Variants in USP6NL observed in about 807,000 individuals in gnomAD.
The protein encoded by USP6NL is USP6 N-terminal like, also known as USP6 N-terminal-like protein.
Under a neutral mutation model 61.9 loss-of-function variants are expected in USP6NL, and 26 were observed. The observed-to-expected ratio is 0.42, with a 90% CI of 0.31 to 0.58. USP6NL has a LOEUF of 0.58. Ranked by LOEUF, USP6NL falls within the 20% of genes least tolerant of loss-of-function variation. The pLI is 0.16. For missense variants in USP6NL, 1,114 were observed against 1,034.3 expected, an observed-to-expected ratio of 1.08 and a Z score of -1.06; for synonymous variants, 432 against 390.1, an observed-to-expected ratio of 1.11 and a Z score of -1.27.
chr10:11,501,352 G>A, intron 6 of USP6NL, 144 bp from the exon 7 acceptor site: 2 of 627,408 alleles, frequency 3.2e-6, no homozygotes, highest in Non-Finnish European at 5.4e-6. Flanking sequence ...ATGGCACATG[G>A]AGGTACTGTC....
intron 1 of USP6NL, among the ~76,000 whole-genome samples, chr10:11,609,389 C>A (rs1001628575): frequency 2.0e-5 from 3 of 152,104 alleles, no homozygotes; most frequent in African/African-American, 7.2e-5. Context: ...TCAAAAATCA[C>A]ATTGAAGGAA....
In USP6NL at chr10:11,493,141, A is replaced by G; in HGVS notation, c.472T>C (p.Phe158Leu). 6.2e-7 allele frequency: 1 copy of G among 1,610,972 alleles called. No homozygotes were observed. The highest frequency in any genetic ancestry group is 8.5e-7 in the Non-Finnish European group (1 of 1,178,444). Reference sequence around the variant, plus strand: ...CACTTAACACCATATCTGTCTCTAAACATAATGTGGTCCCGAAATGTGCGG... The same window carrying G: ...CACTTAACACCATATCTGTCTCTAAGCATAATGTGGTCCCGAAATGTGCGG... ...VNRTFRDHIM[F>L]RDRYGVKQQS... The change falls in exon 8 of 15, where the codon TTT becomes CTT. Residue 158 changes from phenylalanine (F) to leucine (L), a missense_variant. Phe to Leu is a conservative substitution (Grantham distance 22). Coordinates refer to ENST00000609104, the MANE Select transcript of USP6NL (RefSeq NM_014688.5).
rs1836923928 is a variant in USP6NL at position 11,561,391 on chromosome 10, A to G, written c.5-33824T>C. 6.6e-6 allele frequency among the ~76,000 whole-genome samples: 1 copy of G among 152,238 alleles called. No individual in the cohort carries two copies. On this transcript the variant is annotated intron_variant, in intron 2 of 14. Coordinates refer to ENST00000609104, the MANE Select transcript of USP6NL (RefSeq NM_014688.5). This position sits in a 1 kb window ranked among gnomAD's most constrained non-coding sequence, Gnocchi z 4.1. Reference sequence around the variant, plus strand: ...TGCACATTCTAAAACAGATTTAAACATACCATACACAGGATACACATGTGC... The same window carrying G: ...TGCACATTCTAAAACAGATTTAAACGTACCATACACAGGATACACATGTGC...
At chr10:11,527,398 CA>C (rs1835462323) in intron 3 of USP6NL, 101 bp downstream of exon 3, 1 of 1,041,686 alleles carries the variant, frequency 9.6e-7, no homozygotes, top group Non-Finnish European at 1.4e-6. Context: ...TGAAGTTAAA[CA>C]AACTGCTTCT....
Position 11,490,642 on chromosome 10 carries a change from C to CT in USP6NL, c.543+189dup, listed in dbSNP as rs1833673722. On this transcript the variant is annotated intron_variant, in intron 9 of 14. Transcript: ENST00000609104. The surrounding 1 kb of genome is among the most constrained non-coding windows in gnomAD (Gnocchi z 4.5). ...CTGTGGTCATATTTAGGTTCTTCCA[C>CT]TTCAGAATCAGCTCTGTTCTAAGGC... is the stretch of plus-strand genomic sequence containing the variant. Among the ~76,000 whole-genome samples, 1 of 152,220 alleles carries CT rather than the reference C, an allele frequency of 6.6e-6. No homozygotes were observed. Among genetic ancestry groups the CT allele is most frequent in the African/African-American group, 2.4e-5 (1 of 41,450 alleles).
intron 2 of USP6NL, among the ~76,000 whole-genome samples, chr10:11,568,816 A>C (rs1837260689): frequency 6.6e-6 from 1 of 152,232 alleles, no homozygotes; most frequent in African/African-American, 2.4e-5. Context: ...GGTAGAAAGA[A>C]AGATGTAACA....
intron 14 of USP6NL, among the ~76,000 whole-genome samples, chr10:11,475,031 TCATAAA>T (rs1254495379): frequency 1.3e-5 from 2 of 152,152 alleles, no homozygotes; most frequent in Non-Finnish European, 2.9e-5. Context: ...TCTATCTAGG[TCATAAA>T]CTATAAATCT....
At chr10:11,577,861 T>C (rs1404211284) in intron 2 of USP6NL, among the ~76,000 whole-genome samples, 5 of 152,210 alleles carry the variant, frequency 3.3e-5, no homozygotes, top group Non-Finnish European at 5.9e-5. Flanking sequence ...TGTAGCTACA[T>C]TGTTAACATC....
In USP6NL at chr10:11,463,031, T is replaced by C; in HGVS notation, c.1897A>G (p.Ser633Gly). Residue 633 changes from serine (S) to glycine (G), a missense_variant, in exon 15 of 15, where the codon AGC (serine) becomes GGC (glycine). Ser to Gly is a moderately conservative substitution (Grantham distance 56, BLOSUM62 0). Transcript: ENST00000609104. The surrounding 1 kb of genome is among the most constrained non-coding windows in gnomAD (Gnocchi z 6.3). ...TTTCCGTGGTAAACGGGGGGATTGC[T>C]GTAGGAGGGGGGATGAGCTAGCCCT... is the stretch of plus-strand genomic sequence containing the variant. ...ARGLAHPPSY[S>G]NPPVYHGNSP... 6.2e-7 allele frequency: 1 copy of C among 1,613,608 alleles called. No homozygotes were observed. Among genetic ancestry groups the C allele is most frequent in the Non-Finnish European group, 8.5e-7 (1 of 1,179,750 alleles).
In USP6NL at chr10:11,525,023, A is replaced by G. The variant is rs1297476562; in HGVS notation, c.155+363T>C. Among the ~76,000 whole-genome samples the G allele has an allele frequency of 6.6e-6, 1 of 152,210 alleles. No homozygotes were observed. Among genetic ancestry groups the G allele is most frequent in the Non-Finnish European group, 1.5e-5 (1 of 68,022 alleles). ...TACAAGGCTAATTTTCAGGCTGCAT[A>G]ACACTAAAGTTCGAATTGCTATTTA... On this transcript the variant is annotated intron_variant, in intron 4 of 14. Transcript: ENST00000609104. This position sits in a 1 kb window ranked among gnomAD's most constrained non-coding sequence, Gnocchi z 5.0.
At position 11,463,349 on chromosome 10, in the gene USP6NL, C is replaced by T. The variant is rs757311500; in HGVS notation, c.1579G>A (p.Val527Met). Reference protein sequence around the residue: ...VTVPGPAEVRVSNVRPKMKAL... With the variant: ...VTVPGPAEVRMSNVRPKMKAL... ...TTCATCTTTGGCCGCACGTTTGACA[C>T]CCGCACCTCGGCAGGACCTGGGACG... Residue 527 changes from valine to methionine, a missense_variant, in exon 15 of 15, where the codon GTG becomes ATG. Physicochemically the swap from Val to Met is conservative, Grantham distance 21 (BLOSUM62 1). Transcript: ENST00000609104. The surrounding 1 kb of genome is among the most constrained non-coding windows in gnomAD (Gnocchi z 6.3). 4 of 1,613,978 alleles carry T rather than the reference C, an allele frequency of 2.5e-6. No individual in the cohort carries two copies. In the South Asian group the frequency reaches 4.4e-5, roughly 18 times the overall value.
At chr10:11,535,559 A>T (rs773052961) in intron 2 of USP6NL, among the ~76,000 whole-genome samples, 20 of 152,258 alleles carry the variant, frequency 1.3e-4, no homozygotes, top group Non-Finnish European at 2.5e-4. Context: ...AGAGCAAAGC[A>T]GTCACCACAA....
intron 2 of USP6NL, among the ~76,000 whole-genome samples, chr10:11,568,477 T>C (rs1296029676): frequency 1.3e-5 from 2 of 152,212 alleles, no homozygotes; most frequent in African/African-American, 4.8e-5. Flanking sequence ...GTGTTTCACC[T>C]TAGGATATAT....
intron 6 of USP6NL, among the ~76,000 whole-genome samples, chr10:11,504,337 A>G (rs1834344675): frequency 6.6e-6 from 1 of 152,234 alleles, no homozygotes; most frequent in Non-Finnish European, 1.5e-5. Context: ...ATTCCCCAGA[A>G]CAGTAGTCCA....
At chr10:11,554,985 T>TTTTTTTTTTTTTA (rs1836627754) in intron 2 of USP6NL, among the ~76,000 whole-genome samples, 2 of 148,702 alleles carry the variant, frequency 1.3e-5, no homozygotes, top group South Asian at 2.1e-4. Context: ...TTTTTTTTTT[T>TTTTTTTTTTTTTA]ACTAGAGATG....
intron 6 of USP6NL, among the ~76,000 whole-genome samples, chr10:11,502,250 C>T (rs1447725005): frequency 3.4e-5 from 5 of 145,938 alleles, no homozygotes. Flanking sequence ...CAGAGTGAGA[C>T]TCCATCTCAA....
intron 2 of USP6NL, among the ~76,000 whole-genome samples, chr10:11,530,279 C>T (rs1201202411): frequency 2.6e-5 from 4 of 152,134 alleles, no homozygotes; most frequent in Non-Finnish European, 5.9e-5. Flanking sequence ...AATCCTGCTA[C>T]CAGTCCTAGG....
At chr10:11,586,068 TG>T (rs966815195) in intron 2 of USP6NL, among the ~76,000 whole-genome samples, 8 of 152,332 alleles carry the variant, frequency 5.3e-5, no homozygotes, top group African/African-American at 1.9e-4. Context: ...ATGGCTAAGA[TG>T]GTAAATGGTC....
chr10:11,517,277 C>G (rs1834997601), intron 5 of USP6NL, among the ~76,000 whole-genome samples: 1 of 152,194 alleles, frequency 6.6e-6, no homozygotes, highest in East Asian at 1.9e-4. Flanking sequence ...TCAAGGTGGA[C>G]TGCCACAAAC....
Sources: gnomAD v4.1 joint callset for allele counts (sites outside exome capture counted in the v4.1 genomes callset) on GRCh38, gnomAD v4.1.1 for gene constraint, Gnocchi (gnomAD v3.1) non-coding constraint, MANE v1.5 for transcripts, NCBI Gene and HGNC (gene_info 2026-07-23, HGNC 2026-07-21) for gene names.